The following GYPE variants were observed in gnomAD, a reference collection of about 807,000 sequenced individuals.
GYPE encodes glycophorin-E.
In GYPE, 8 loss-of-function variants were observed where a neutral mutation model predicts 11.6. The ratio of observed to expected loss-of-function variants is 0.69; its 90% CI spans 0.41 to 1.25. GYPE has a LOEUF of 1.25. GYPE is among the 50% of genes most tolerant of loss of function. The pLI, the probability that GYPE is intolerant of heterozygous loss-of-function variation, is 0.01. For missense variants in GYPE, 90 were observed against 92.8 expected, an observed-to-expected ratio of 0.97 and a Z score of 0.12; for synonymous variants, 28 against 29.6, an observed-to-expected ratio of 0.94 and a Z score of 0.18.
At chr4:143,904,067 A>G (rs926225666) in intron 1 of GYPE, among the ~76,000 whole-genome samples, 3 of 152,090 alleles carry the variant, frequency 2.0e-5, no homozygotes, top group Non-Finnish European at 2.9e-5. Context: ...TCTTCAAACT[A>G]AATGTTTTCA....
intron 1 of GYPE, among the ~76,000 whole-genome samples, chr4:143,894,651 T>G (rs1744555810): frequency 6.6e-6 from 1 of 152,186 alleles, no homozygotes; most frequent in Admixed American, 6.5e-5. Flanking sequence ...CTAACTCATT[T>G]TATGAGGCCA....
Position 143,905,520 on chromosome 4 carries a change from A to G in GYPE, c.-13T>C. 6.2e-7 allele frequency: 1 copy of G among 1,613,262 alleles called. No homozygotes were observed. The highest frequency in any genetic ancestry group is 8.5e-7 in the Non-Finnish European group (1 of 1,179,352). On this transcript the variant is annotated 5_prime_UTR_variant, in exon 1 of 4. Transcript: ENST00000358615. The stretch of plus-strand genomic sequence containing the variant: ...TTTTTCCATACATCCTGAGATCACG[A>G]GCTGGCTCCTGAAGTTAGTGCAAAA...
intron 1 of GYPE, among the ~76,000 whole-genome samples, chr4:143,896,453 A>G (rs1326507562): frequency 6.6e-6 from 1 of 152,206 alleles, no homozygotes; most frequent in Non-Finnish European, 1.5e-5. Flanking sequence ...CAAAACCACA[A>G]TGAGATACCA....
In GYPE at chr4:143,882,278, C is replaced by T. The variant is rs188763777; in HGVS notation, c.38-1769G>A. On this transcript the variant is annotated intron_variant, in intron 1 of 3. Transcript: ENST00000358615. ...AAAAACCAATGCTTTTAAACAATAA[C>T]CTTGTGATAGGGATTTTGAAGTTCA... 3.2e-4 allele frequency among the ~76,000 whole-genome samples: 47 copies of T among 147,398 alleles called. 2 individuals are homozygous for T. In the East Asian group the frequency reaches 8.4e-3, roughly 26 times the overall value.
chr4:143,878,488 T>TA (rs1743895298), intron 2 of GYPE, among the ~76,000 whole-genome samples: 1 of 152,210 alleles, frequency 6.6e-6, no homozygotes, highest in African/African-American at 2.4e-5. Flanking sequence ...AAAAAGAGAA[T>TA]ATTTTCTTTG....
chr4:143,894,454 G>A (rs1330504807), intron 1 of GYPE, among the ~76,000 whole-genome samples: 1 of 151,478 alleles, frequency 6.6e-6, no homozygotes, highest in Non-Finnish European at 1.5e-5. Flanking sequence ...TCTACTTTTG[G>A]TCTTTGATGA....
rs1212805418 is a variant in GYPE at position 143,872,142 on chromosome 4, C to T, written c.*120G>A. 1 of 152,424 alleles carries T rather than the reference C, an allele frequency of 6.6e-6. No homozygotes were observed. Among genetic ancestry groups the T allele is most frequent in the Admixed American group, 6.6e-5 (1 of 15,258 alleles). 9.4% of individuals were successfully genotyped at this position (152,424 alleles called of 1,614,324 possible). ...CCCTTAGTAGCCAGTCAACGTAAGCCAAGTTAGTAGCTACAGCCGTCAGGC... is the reference window on the plus strand; with the variant it reads ...CCCTTAGTAGCCAGTCAACGTAAGCTAAGTTAGTAGCTACAGCCGTCAGGC... On this transcript the variant is annotated 3_prime_UTR_variant, in exon 4 of 4. Transcript: ENST00000358615.
intron 1 of GYPE, among the ~76,000 whole-genome samples, chr4:143,898,213 C>G (rs575650819): frequency 1.3e-5 from 2 of 152,216 alleles, no homozygotes; most frequent in African/African-American, 4.8e-5. Context: ...CCCGTCTCTA[C>G]TAAAATACAA....
At chr4:143,895,423 C>A (rs373596742) in intron 1 of GYPE, among the ~76,000 whole-genome samples, 23 of 151,748 alleles carry the variant, frequency 1.5e-4, no homozygotes, top group African/African-American at 2.7e-4. Flanking sequence ...CAAAGAGAAT[C>A]AAATACCTAG....
At chr4:143,879,090 A>G (rs1743921585) in intron 2 of GYPE, among the ~76,000 whole-genome samples, 1 of 152,178 alleles carries the variant, frequency 6.6e-6, no homozygotes. Context: ...TGCGGCCATC[A>G]ATTTTCCAGA....
intron 1 of GYPE, among the ~76,000 whole-genome samples, chr4:143,890,292 T>C (rs1412458698): frequency 2.6e-5 from 4 of 152,184 alleles, no homozygotes; most frequent in Admixed American, 2.6e-4. Flanking sequence ...CACTCCTGCC[T>C]ACTAAAGAAT....
intron 2 of GYPE, among the ~76,000 whole-genome samples, chr4:143,880,157 A>G (rs1160893505): frequency 2.0e-5 from 3 of 152,144 alleles, no homozygotes; most frequent in African/African-American, 7.2e-5. Context: ...CCACTATTTC[A>G]TGGTCACGTG....
intron 3 of GYPE, among the ~76,000 whole-genome samples, chr4:143,875,028 A>G (rs995512482): frequency 7.9e-5 from 12 of 152,208 alleles, no homozygotes; most frequent in Non-Finnish European, 1.3e-4. Context: ...ATCTCACAGT[A>G]TGATAAACTT....
In GYPE at chr4:143,891,263, G is replaced by A. The variant is rs557207532; in HGVS notation, c.38-10754C>T. ...GACTATGTTCCAGTAATGATTTGTG[G>A]GCAGTAGAATTTGAATTTCGTATAA... On this transcript the variant is annotated intron_variant, in intron 1 of 3. Coordinates refer to ENST00000358615, the MANE Select transcript of GYPE (RefSeq NM_198682.3). 5.9e-4 allele frequency among the ~76,000 whole-genome samples: 89 copies of A among 151,760 alleles called. 1 individual carries two copies. Among genetic ancestry groups the A allele is most frequent in the African/African-American group, 2.0e-3 (83 of 41,356 alleles).
chr4:143,877,448 T>C (rs11727524), intron 2 of GYPE, among the ~76,000 whole-genome samples: 11,447 of 152,248 alleles, frequency 0.075, 584 homozygotes, highest in Non-Finnish European at 0.12. Context: ...ATGCATAGTC[T>C]CCAATATAGT....
At chr4:143,889,547 T>A (rs1744325615) in intron 1 of GYPE, among the ~76,000 whole-genome samples, 1 of 152,116 alleles carries the variant, frequency 6.6e-6, no homozygotes. Context: ...TTTGCTTTTT[T>A]CTTGAGATAG....
At chr4:143,904,202 A>G (rs1744975126) in intron 1 of GYPE, among the ~76,000 whole-genome samples, 1 of 151,948 alleles carries the variant, frequency 6.6e-6, no homozygotes, top group Non-Finnish European at 1.5e-5. Flanking sequence ...CTAGTCTGTA[A>G]CTACTGATAG....
chr4:143,881,194 A>AC (rs1744009734), intron 1 of GYPE, among the ~76,000 whole-genome samples: 1 of 151,240 alleles, frequency 6.6e-6, no homozygotes, highest in Non-Finnish European at 1.5e-5. Context: ...CCGTCTCAAA[A>AC]AAAAAAAAAA....
chr4:143,881,463 G>A (rs1427270642), intron 1 of GYPE, among the ~76,000 whole-genome samples: 2 of 152,044 alleles, frequency 1.3e-5, no homozygotes, highest in African/African-American at 4.8e-5. Context: ...GTCAGCCTAT[G>A]CAAGGTTGAA....
Sources: gnomAD v4.1 joint callset for allele counts (sites outside exome capture counted in the v4.1 genomes callset) on GRCh38, gnomAD v4.1.1 for gene constraint, MANE v1.5 for transcripts, NCBI Gene and HGNC (gene_info 2026-07-23, HGNC 2026-07-21) for gene names.